Variants in ARHGAP35 observed in about 807,000 individuals in gnomAD.
The protein encoded by ARHGAP35 is Rho GTPase activating protein 35, also known as rho GTPase-activating protein 35.
Under a neutral mutation model 111.1 loss-of-function variants are expected in ARHGAP35, and 15 were observed. That is an observed-to-expected ratio of 0.13 (90% CI 0.09 to 0.21). The LOEUF is 0.21. Among genes scored for constraint, ARHGAP35 ranks in the 10% least tolerant of loss-of-function variants. ARHGAP35 has a pLI of 1.00. For synonymous variants in ARHGAP35, 643 were observed against 710.3 expected, an observed-to-expected ratio of 0.91 and a Z score of 1.51; for missense variants, 1,262 against 1,873.0, an observed-to-expected ratio of 0.67 and a Z score of 6.02.
intron 3 of ARHGAP35, among the ~76,000 whole-genome samples, chr19:46,955,636 G>A (rs1203280951): frequency 6.6e-6 from 1 of 152,096 alleles, no homozygotes; most frequent in Non-Finnish European, 1.5e-5. Flanking sequence ...CACCCGGGCT[G>A]GAGTGCAGTA....
At chr19:46,891,199 A>G (rs2056021841) in intron 1 of ARHGAP35, among the ~76,000 whole-genome samples, 3 of 152,294 alleles carry the variant, frequency 2.0e-5, no homozygotes, top group Admixed American at 6.5e-5. Context: ...TCTGCCACAT[A>G]GTAGAGCCCA....
intron 1 of ARHGAP35, among the ~76,000 whole-genome samples, chr19:46,899,644 G>T (rs934646921): frequency 1.3e-5 from 2 of 151,334 alleles, no homozygotes; most frequent in African/African-American, 4.9e-5. Flanking sequence ...AGGCTGTGGT[G>T]AGCCATAATC....
intron 3 of ARHGAP35, chr19:46,949,067 GAATGGCGTGAA>G (rs1376997431): frequency 2.0e-5 from 3 of 151,776 alleles, no homozygotes; most frequent in Non-Finnish European, 4.4e-5. Flanking sequence ...TGAGGTAGAA[GAATGGCGTGAA>G]CCCGGGAGGC....
chr19:46,929,230 AG>A (rs1418741322), intron 2 of ARHGAP35, among the ~76,000 whole-genome samples: 1 of 152,218 alleles, frequency 6.6e-6, no homozygotes, highest in Non-Finnish European at 1.5e-5. Context: ...AGAGCCCAGA[AG>A]GGGGAGCACC....
intron 1 of ARHGAP35, among the ~76,000 whole-genome samples, chr19:46,909,948 A>C (rs1399614473): frequency 6.6e-6 from 1 of 151,948 alleles, no homozygotes; most frequent in Non-Finnish European, 1.5e-5. Context: ...CACCCAGCTC[A>C]ATGTTGTTAT....
intron 3 of ARHGAP35, among the ~76,000 whole-genome samples, chr19:46,970,483 ACTC>A (rs1239874669): frequency 6.6e-6 from 1 of 151,852 alleles, no homozygotes; most frequent in East Asian, 1.9e-4. Context: ...GGAAGTCTGA[ACTC>A]CTCAACATTA....
chr19:46,873,203 A>G (rs1021198466), intron 1 of ARHGAP35, among the ~76,000 whole-genome samples: 3 of 152,124 alleles, frequency 2.0e-5, no homozygotes, highest in Non-Finnish European at 4.4e-5. Flanking sequence ...ACTTTCCAGA[A>G]TGCTTTCGCC....
At position 46,921,771 on chromosome 19, in the gene ARHGAP35, A is replaced by G; in HGVS notation, c.3096A>G (p.Lys1032=). ...TCATTATGAGCAATTTTGAGAGTAA[A>G]CTGAACAACAAAGTACCTCCGCCAG... ...LSFIMSNFES[K]LNNKVPPPVK... is the part of the protein sequence containing the mutation. Residue 1032 remains lysine (K), a synonymous_variant, in exon 2 of 7, where the codon AAA becomes AAG. Coordinates refer to ENST00000672722, the MANE Select transcript of ARHGAP35 (RefSeq NM_004491.5). This position sits in a 1 kb window ranked among gnomAD's most constrained non-coding sequence, Gnocchi z 4.3. 6.2e-7 allele frequency: 1 copy of G among 1,614,020 alleles called. No individual in the cohort carries two copies. The highest frequency in any genetic ancestry group is 8.5e-7 in the Non-Finnish European group (1 of 1,179,892).
intron 1 of ARHGAP35, among the ~76,000 whole-genome samples, chr19:46,897,522 G>A (rs1323193687): frequency 6.7e-6 from 1 of 149,736 alleles, no homozygotes; most frequent in African/African-American, 2.5e-5. Flanking sequence ...ATGAATTTTA[G>A]TTAAGACTTA....
chr19:46,937,976 T>C (rs1599833538), intron 3 of ARHGAP35, among the ~76,000 whole-genome samples: 1 of 152,198 alleles, frequency 6.6e-6, no homozygotes, highest in Admixed American at 6.5e-5. Flanking sequence ...AGGTAGACTG[T>C]CTTGGGAAAT....
intron 1 of ARHGAP35, among the ~76,000 whole-genome samples, chr19:46,875,219 C>T (rs2055911621): frequency 6.6e-6 from 1 of 152,080 alleles, no homozygotes; most frequent in African/African-American, 2.4e-5. Flanking sequence ...TATTTATTTA[C>T]TGATCATTCT....
intron 3 of ARHGAP35, among the ~76,000 whole-genome samples, chr19:46,938,426 T>G (rs1033281473): frequency 6.6e-6 from 1 of 152,198 alleles, no homozygotes; most frequent in Admixed American, 6.5e-5. Context: ...CGATCTCAAC[T>G]CACTGCAACC....
chr19:46,999,137 A>G lies in ARHGAP35; in HGVS notation c.4037-167A>G. 3 of 601,804 alleles carry G rather than the reference A, an allele frequency of 5.0e-6. No individual in the cohort carries two copies. The South Asian group carries it at 6.2e-5, about 12-fold the overall frequency. The allele number at this position is 601,804 out of a possible 1,614,324, so 37.3% of individuals were successfully genotyped here. On this transcript the variant is annotated intron_variant, in intron 5 of 6. Transcript: ENST00000672722. This position sits in a 1 kb window ranked among gnomAD's most constrained non-coding sequence, Gnocchi z 5.4. ...TGGGCCAGACCCCTGGGCCAGTGCC[A>G]CTGCCAGGTGTGCCAGCCTTGGGCA...
Position 47,000,631 on chromosome 19 carries a change from C to T in ARHGAP35, c.4443C>T (p.Pro1481=). The part of the protein sequence containing the change: ...PSPPQSPPPT[P]QSPMQPLLPS... ...CCCCACAGTCGCCTCCACCCACCCC[C>T]CAGTCCCCAATGCAGCCACTGCTTC... Residue 1481 remains proline, a synonymous_variant, in exon 7 of 7, where the codon CCC becomes CCT. Transcript: ENST00000672722. This position sits in a 1 kb window ranked among gnomAD's most constrained non-coding sequence, Gnocchi z 6.9. 6.2e-7 allele frequency: 1 copy of T among 1,609,630 alleles called. No individual in the cohort carries two copies. The highest frequency in any genetic ancestry group is 1.7e-4 in the Middle Eastern group (1 of 6,030).
intron 1 of ARHGAP35, among the ~76,000 whole-genome samples, chr19:46,870,582 G>T (rs1473067580): frequency 7.0e-6 from 1 of 143,132 alleles, no homozygotes; most frequent in African/African-American, 2.6e-5. Flanking sequence ...CAGTCTCAAA[G>T]AAAAAAAAAA....
In ARHGAP35 at chr19:46,908,775, GA is replaced by G. The variant is rs2056123690; in HGVS notation, c.-188-9711del. Among the ~76,000 whole-genome samples, 1 of 152,130 alleles carries G rather than the reference GA, an allele frequency of 6.6e-6. No individual in the cohort carries two copies. Among genetic ancestry groups the G allele is most frequent in the Non-Finnish European group, 1.5e-5 (1 of 68,026 alleles). On this transcript the variant is annotated intron_variant, in intron 1 of 6. Transcript: ENST00000672722. This position sits in a 1 kb window ranked among gnomAD's most constrained non-coding sequence, Gnocchi z 4.2. ...CAGCCTGTAGAGTTCTGCAAGCCTG[GA>G]AGCATGAGAACTGTGGCGGGGGAAA... is the stretch of plus-strand genomic sequence containing the variant.
chr19:46,883,977 T>C (rs1447746641), intron 1 of ARHGAP35, among the ~76,000 whole-genome samples: 1 of 152,024 alleles, frequency 6.6e-6, no homozygotes, highest in Non-Finnish European at 1.5e-5. Context: ...ATCTCTTGAA[T>C]CTGGGAGGCG....
intron 1 of ARHGAP35, among the ~76,000 whole-genome samples, chr19:46,899,045 T>C (rs977827039): frequency 2.6e-5 from 4 of 151,664 alleles, no homozygotes; most frequent in Admixed American, 2.6e-4. Flanking sequence ...GGCAAAGGAG[T>C]CTGGGAAATG....
intron 1 of ARHGAP35, among the ~76,000 whole-genome samples, chr19:46,878,117 A>G (rs1156415988): frequency 6.6e-6 from 1 of 151,990 alleles, no homozygotes; most frequent in Admixed American, 6.6e-5. Context: ...TCCACCTCCC[A>G]GATTTAAGCG....
Sources: gnomAD v4.1 joint callset for allele counts (sites outside exome capture counted in the v4.1 genomes callset) on GRCh38, gnomAD v4.1.1 for gene constraint, Gnocchi (gnomAD v3.1) non-coding constraint, MANE v1.5 for transcripts, NCBI Gene and HGNC (gene_info 2026-07-23, HGNC 2026-07-21) for gene names.